NFASC: variants seen among roughly 807,000 people sequenced by gnomAD.
NFASC encodes the protein neurofascin.
In NFASC, 43 loss-of-function variants were observed where a neutral mutation model predicts 147.5. That is an observed-to-expected ratio of 0.29 (90% CI 0.23 to 0.38). The LOEUF (loss-of-function observed/expected upper bound fraction) is 0.38. NFASC is among the 10% of genes least tolerant of loss of function. The pLI, the probability that NFASC is intolerant of heterozygous loss-of-function variation, is 1.00. For missense variants in NFASC, 1,320 were observed against 1,689.0 expected (o/e 0.78, Z 3.83); for synonymous variants, 622 against 665.5 (o/e 0.93, Z 1.01).
intron 1 of NFASC, among the ~76,000 whole-genome samples, chr1:204,901,857 C>T (rs1418587441): frequency 1.3e-5 from 2 of 151,964 alleles, no homozygotes; most frequent in Admixed American, 6.6e-5. Flanking sequence ...ACAGCTCACC[C>T]GCGGTAATGG....
At chr1:204,961,528 A>G (rs1168141979) in intron 8 of NFASC, among the ~76,000 whole-genome samples, 3 of 152,386 alleles carry the variant, frequency 2.0e-5, no homozygotes. Flanking sequence ...CCACCTGGGC[A>G]GACTCCAGTG....
At chr1:205,004,232 CAG>C (rs2096060763) in intron 27 of NFASC, among the ~76,000 whole-genome samples, 3 of 152,366 alleles carry the variant, frequency 2.0e-5, no homozygotes, top group Admixed American at 2.0e-4. Context: ...AGCCTGCTTT[CAG>C]AGTTTGACTT....
chr1:204,916,089 G>T (rs2149383536), intron 1 of NFASC, among the ~76,000 whole-genome samples: 1 of 152,268 alleles, frequency 6.6e-6, no homozygotes, highest in East Asian at 1.9e-4. Context: ...AACGAATGAG[G>T]TGTCTGCAGC....
At chr1:204,902,607 G>A (rs781510861) in intron 1 of NFASC, among the ~76,000 whole-genome samples, 7 of 152,332 alleles carry the variant, frequency 4.6e-5, no homozygotes, top group Admixed American at 2.6e-4. Context: ...ATAATCCAGT[G>A]GAGGGGTGGG....
chr1:204,942,188 T>C (rs1023064562), intron 2 of NFASC, among the ~76,000 whole-genome samples: 4 of 152,136 alleles, frequency 2.6e-5, no homozygotes, highest in Non-Finnish European at 2.9e-5. Context: ...CAAAGTGAAA[T>C]GTGCCATAAT....
Position 205,016,423 on chromosome 1 carries a change from AATG to A in NFASC, c.3609_3611del (p.Asn1203_Glu1204delinsLys), listed in dbSNP as rs2096362849. 1 of 1,613,870 alleles carries A rather than the reference AATG, an allele frequency of 6.2e-7. No homozygotes were observed. The highest frequency in any genetic ancestry group is 1.3e-5 in the African/African-American group (1 of 74,900). ...TGGCGAGGGTGGCGAGGGTCAGTTC[AATG>A]AAGACGGCTCCTTCATCGGCCAGTA... On this transcript the variant is annotated inframe_deletion, in exon 30 of 30. Transcript: ENST00000339876. The surrounding 1 kb of genome is among the most constrained non-coding windows in gnomAD (Gnocchi z 5.1).
chr1:204,991,338 G>A (rs2095730182), intron 24 of NFASC, 32 bp downstream of exon 24: 1 of 1,609,532 alleles, frequency 6.2e-7, no homozygotes, highest in African/African-American at 1.3e-5. Flanking sequence ...TAATGGGCAT[G>A]GCATGGGGCA....
intron 17 of NFASC, 28 bp downstream of exon 17, chr1:204,977,753 C>T: frequency 6.3e-7 from 1 of 1,598,084 alleles, no homozygotes; most frequent in Non-Finnish European, 8.6e-7. Flanking sequence ...CAGTCCCCTG[C>T]CAGTGCCCTC....
chr1:204,931,588 T>C, intron 2 of NFASC, among the ~76,000 whole-genome samples: 1 of 152,240 alleles, frequency 6.6e-6, no homozygotes, highest in African/African-American at 2.4e-5. Context: ...GCATGTGGCC[T>C]TGGTAGCAGT....
chr1:204,882,766 C>T (rs2080523321), intron 1 of NFASC, among the ~76,000 whole-genome samples: 1 of 152,066 alleles, frequency 6.6e-6, no homozygotes, highest in Non-Finnish European at 1.5e-5. Context: ...GAATGTTTAC[C>T]ATGTGCTTTT....
At chr1:204,913,655 G>C (rs936799646) in intron 1 of NFASC, among the ~76,000 whole-genome samples, 1 of 152,158 alleles carries the variant, frequency 6.6e-6, no homozygotes, top group African/African-American at 2.4e-5. Context: ...GTAAGTTCTA[G>C]ATGGATTAAG....
intron 21 of NFASC, among the ~76,000 whole-genome samples, chr1:204,985,193 C>G (rs979623788): frequency 4.6e-5 from 7 of 152,180 alleles, no homozygotes; most frequent in African/African-American, 1.7e-4. Context: ...TGACCTGTGG[C>G]TTCTTACCCA....
intron 2 of NFASC, among the ~76,000 whole-genome samples, chr1:204,922,108 G>A (rs796489329): frequency 7.2e-5 from 11 of 152,234 alleles, no homozygotes; most frequent in African/African-American, 2.4e-4. Context: ...TTATTTAAAC[G>A]GGTACGAAGT....
chr1:204,855,025 C>T (rs1245774580), intron 1 of NFASC, among the ~76,000 whole-genome samples: 2 of 152,228 alleles, frequency 1.3e-5, no homozygotes, highest in African/African-American at 2.4e-5. Context: ...AGCTTCCTGA[C>T]AGCACTGCAA....
intron 2 of NFASC, among the ~76,000 whole-genome samples, chr1:204,924,731 G>C (rs1191805218): frequency 6.6e-6 from 1 of 152,186 alleles, no homozygotes; most frequent in Non-Finnish European, 1.5e-5. Context: ...TAGAGCTAGG[G>C]TATGGTGTCT....
In NFASC at chr1:205,012,812, A is replaced by T. The variant is rs2096277557; in HGVS notation, c.3437A>T (p.Asp1146Val). 6.2e-7 allele frequency: 1 copy of T among 1,613,368 alleles called. No individual in the cohort carries two copies. The highest frequency in any genetic ancestry group is 1.3e-5 in the African/African-American group (1 of 74,894). The change falls in exon 29 of 30, where the codon GAT (aspartate) becomes GTT (valine). Residue 1146 changes from aspartate (D) to valine (V), a missense_variant. Around this residue, in one of 3 missense-constraint regions of NFASC, gnomAD observed 167 missense variants for 233.8 expected, o/e 0.71. Coordinates refer to ENST00000339876, the MANE Select transcript of NFASC (RefSeq NM_001005388.3). ...GGKYPVREKK[D>V]VPLGPEDPKE... Reference sequence around the variant, plus strand: ...TTTGACCAAGTACGAGAAAAGAAGGATGTTCCCCTTGGCCCTGAAGACCCC... The same window carrying T: ...TTTGACCAAGTACGAGAAAAGAAGGTTGTTCCCCTTGGCCCTGAAGACCCC...
At position 204,926,944 on chromosome 1, in the gene NFASC, G is replaced by A. The variant is rs1026058455; in HGVS notation, c.-91+6204G>A. 5.9e-5 allele frequency among the ~76,000 whole-genome samples: 9 copies of A among 151,898 alleles called. No individual in the cohort carries two copies. In the East Asian group the frequency reaches 1.4e-3, roughly 23 times the overall value. ...TAAAAATTAGCTGGTGCACGGCAGC[G>A]GGTGCCTGTATTCCCAGCTACTCGG... On this transcript the variant is annotated intron_variant, in intron 2 of 29. Coordinates refer to ENST00000339876, the MANE Select transcript of NFASC (RefSeq NM_001005388.3).
chr1:204,978,961 C>T lies in NFASC; in HGVS notation c.1877-7C>T, dbSNP rs1284123643. The T allele has an allele frequency of 6.5e-7, 1 of 1,548,690 alleles. No homozygotes were observed. The highest frequency in any genetic ancestry group is 2.0e-5 in the Admixed American group (1 of 51,188). On this transcript the variant is annotated splice_region_variant and splice_polypyrimidine_tract_variant and intron_variant, in intron 17 of 29. Transcript: ENST00000339876. Reference sequence around the variant, plus strand: ...CAGGAGGCCTGCGTGGTGTCTTCTGCCACCAGGACGGCCAGACCGGCCCCG... The same window carrying T: ...CAGGAGGCCTGCGTGGTGTCTTCTGTCACCAGGACGGCCAGACCGGCCCCG...
chr1:204,904,630 C>A lies in NFASC; in HGVS notation c.-199-16002C>A, dbSNP rs138917000. 7.0e-4 allele frequency among the ~76,000 whole-genome samples: 106 copies of A among 152,330 alleles called. 1 individual carries two copies. In the East Asian group the frequency reaches 9.8e-3, roughly 14 times the overall value. On this transcript the variant is annotated intron_variant, in intron 1 of 29. Coordinates refer to ENST00000339876, the MANE Select transcript of NFASC (RefSeq NM_001005388.3). ...CTTCATTCACATTTCTTATCTATCT[C>A]TGCACCACTTTTCACATGACATTGA...
Sources: gnomAD v4.1 joint callset for allele counts (sites outside exome capture counted in the v4.1 genomes callset) on GRCh38, gnomAD v4.1.1 for gene constraint, gnomAD v4.1.1 regional missense constraint, Gnocchi (gnomAD v3.1) non-coding constraint, MANE v1.5 for transcripts, NCBI Gene and HGNC (gene_info 2026-07-23, HGNC 2026-07-21) for gene names.